ZC3H12C: variants seen among roughly 807,000 people sequenced by gnomAD.
The protein encoded by ZC3H12C is zinc finger CCCH-type containing 12C.
Under a neutral mutation model 76.3 loss-of-function variants are expected in ZC3H12C, and 20 were observed. That is an observed-to-expected ratio of 0.26 (90% confidence interval 0.18 to 0.38). The LOEUF is 0.38. Among genes scored for constraint, ZC3H12C ranks in the 10% least tolerant of loss-of-function variants. ZC3H12C has a pLI of 1.00. For missense variants in ZC3H12C, 874 were observed against 1,086.5 expected, an observed-to-expected ratio of 0.80 and a Z score of 2.75; for synonymous variants, 352 against 399.6, an observed-to-expected ratio of 0.88 and a Z score of 1.42.
chr11:110,120,427 G>T (rs1944137), intron 1 of ZC3H12C, among the ~76,000 whole-genome samples: 107,056 of 151,322 alleles, frequency 0.71, 38,148 homozygotes, highest in East Asian at 0.89. Flanking sequence ...TTTTGGCTAC[G>T]CTCAGGGCCA....
intron 1 of ZC3H12C, among the ~76,000 whole-genome samples, chr11:110,133,725 C>G (rs1208686689): frequency 6.6e-6 from 1 of 151,998 alleles, no homozygotes; most frequent in East Asian, 1.9e-4. Flanking sequence ...TATTTTCCGC[C>G]TTGTATCATG....
At chr11:110,093,965 C>T (rs1041226835) in intron 1 of ZC3H12C, among the ~76,000 whole-genome samples, 3 of 152,146 alleles carry the variant, frequency 2.0e-5, no homozygotes, top group Non-Finnish European at 4.4e-5. Flanking sequence ...GCCCCTCACT[C>T]CCCCCTCGTC....
At chr11:110,108,306 T>G (rs1277999516) in intron 1 of ZC3H12C, among the ~76,000 whole-genome samples, 1 of 152,176 alleles carries the variant, frequency 6.6e-6, no homozygotes, top group East Asian at 1.9e-4. Flanking sequence ...CCTGGCTCCT[T>G]AGATATCTTT....
intron 1 of ZC3H12C, among the ~76,000 whole-genome samples, chr11:110,093,686 G>A (rs927109948): frequency 2.0e-5 from 3 of 152,040 alleles, no homozygotes; most frequent in Admixed American, 2.0e-4. Flanking sequence ...CGTCCCCGCC[G>A]GGATTTCGGG....
At chr11:110,128,646 C>A (rs1007073766) in intron 1 of ZC3H12C, among the ~76,000 whole-genome samples, 1 of 152,210 alleles carries the variant, frequency 6.6e-6, no homozygotes, top group East Asian at 1.9e-4. Flanking sequence ...AATATGAATT[C>A]ATAAATACTG....
chr11:110,137,517 A>T, intron 2 of ZC3H12C, 103 bp downstream of exon 2: 1 of 1,305,216 alleles, frequency 7.7e-7, no homozygotes, highest in Admixed American at 2.9e-5. Context: ...TAAAGTCAAC[A>T]TTTTTCTGTA....
At chr11:110,109,369 GTTC>G (rs1450967580) in intron 1 of ZC3H12C, among the ~76,000 whole-genome samples, 1 of 152,018 alleles carries the variant, frequency 6.6e-6, no homozygotes, top group Non-Finnish European at 1.5e-5. Flanking sequence ...TTGATTATAG[GTTC>G]TTAATTTATT....
Position 110,165,717 on chromosome 11 carries a change from A to G in ZC3H12C, c.2632A>G (p.Lys878Glu). 2 of 1,585,338 alleles carry G rather than the reference A, an allele frequency of 1.3e-6. No homozygotes were observed. The highest frequency in any genetic ancestry group is 1.7e-6 in the Non-Finnish European group (2 of 1,164,720). The change falls in exon 6 of 6, where the codon AAA becomes GAA. Residue 878 changes from lysine to glutamate, a missense_variant. Lys to Glu is a moderately conservative substitution (Grantham distance 56). Coordinates refer to ENST00000278590, the MANE Select transcript of ZC3H12C (RefSeq NM_033390.2). ...GCTCGCCGCAGCCATTTTAGTGGAG[A>G]AATCCCAGCTGGGTTATTGAAAGAT... ...QQLAAAILVE[K>E]SQLGY
chr11:110,155,552 T>G (rs769019928), intron 3 of ZC3H12C, among the ~76,000 whole-genome samples: 18 of 151,990 alleles, frequency 1.2e-4, no homozygotes, highest in Non-Finnish European at 8.8e-5. Context: ...AAAAAAGTGT[T>G]CATTCATTAG....
chr11:110,124,929 A>T (rs1218129912), intron 1 of ZC3H12C, among the ~76,000 whole-genome samples: 3 of 152,124 alleles, frequency 2.0e-5, no homozygotes, highest in African/African-American at 7.2e-5. Context: ...GCCTGGGGGA[A>T]TAAATGCTTA....
At chr11:110,110,105 A>G (rs981171144) in intron 1 of ZC3H12C, among the ~76,000 whole-genome samples, 2 of 152,142 alleles carry the variant, frequency 1.3e-5, no homozygotes, top group African/African-American at 4.8e-5. Flanking sequence ...TTGTTGTTTA[A>G]ACACCTAAAC....
chr11:110,149,111 GTTA>G (rs751118869), intron 2 of ZC3H12C, among the ~76,000 whole-genome samples: 1 of 152,176 alleles, frequency 6.6e-6, no homozygotes, highest in African/African-American at 2.4e-5. Context: ...TCAGGCTTAA[GTTA>G]TTATACTATG....
At chr11:110,124,746 C>G (rs1014941376) in intron 1 of ZC3H12C, among the ~76,000 whole-genome samples, 2 of 151,988 alleles carry the variant, frequency 1.3e-5, no homozygotes, top group African/African-American at 2.4e-5. Context: ...CAGAGGAGGC[C>G]CCGTTTGTAG....
chr11:110,121,709 T>G (rs1340977637), intron 1 of ZC3H12C, among the ~76,000 whole-genome samples: 2 of 152,222 alleles, frequency 1.3e-5, no homozygotes, highest in African/African-American at 4.8e-5. Flanking sequence ...CTCAAGCTTT[T>G]CATTTTCCCA....
At chr11:110,162,788 G>A (rs183811388) in intron 4 of ZC3H12C, among the ~76,000 whole-genome samples, 95 of 152,280 alleles carry the variant, frequency 6.2e-4, no homozygotes, top group Non-Finnish European at 1.1e-3. Context: ...TGGGATCATG[G>A]TTAGGATGCC....
At position 110,165,315 on chromosome 11, in the gene ZC3H12C, G is replaced by A. The variant is rs1862559945; in HGVS notation, c.2230G>A (p.Val744Met). ...SKAPHLGRSL[V>M]ATRIDSISDS... ...GGCACCACACCTAGGGAGGTCCTTG[G>A]TGGCCACGAGAATAGACAGCATCTC... The change falls in exon 6 of 6, where the codon GTG becomes ATG. Residue 744 changes from valine to methionine, a missense_variant. Val to Met is a conservative substitution (Grantham distance 21). Around this residue, in one of 3 missense-constraint regions of ZC3H12C, gnomAD observed 395 missense variants for 434.4 expected, o/e 0.91. Transcript: ENST00000278590. The A allele has an allele frequency of 1.5e-5, 25 of 1,613,960 alleles. No individual in the cohort carries two copies. The highest frequency in any genetic ancestry group is 2.2e-5 in the South Asian group (2 of 91,076).
At chr11:110,157,036 G>A (rs187468676) in intron 3 of ZC3H12C, among the ~76,000 whole-genome samples, 68 of 152,076 alleles carry the variant, frequency 4.5e-4, no homozygotes, top group African/African-American at 1.3e-3. Flanking sequence ...AAAATTAGCC[G>A]GGCATGGTGG....
At chr11:110,159,074 C>T (rs1196918089) in intron 3 of ZC3H12C, among the ~76,000 whole-genome samples, 182 bp from the exon 4 acceptor site, 1 of 151,948 alleles carries the variant, frequency 6.6e-6, no homozygotes, top group Non-Finnish European at 1.5e-5. Context: ...TATTAAAATT[C>T]CTGAAGGAAA....
intron 2 of ZC3H12C, among the ~76,000 whole-genome samples, chr11:110,146,832 C>T (rs1443910822): frequency 6.6e-6 from 1 of 152,114 alleles, no homozygotes; most frequent in Non-Finnish European, 1.5e-5. Flanking sequence ...TTTCTTTTAC[C>T]TACGCCTGAA....
Sources: gnomAD v4.1 joint callset for allele counts (sites outside exome capture counted in the v4.1 genomes callset) on GRCh38, gnomAD v4.1.1 for gene constraint, gnomAD v4.1.1 regional missense constraint, MANE v1.5 for transcripts, NCBI Gene and HGNC (gene_info 2026-07-23, HGNC 2026-07-21) for gene names.